Variants in SLC24A3 observed in about 807,000 individuals in gnomAD.
SLC24A3 encodes the protein sodium/potassium/calcium exchanger 3.
Under a neutral mutation model 75.8 loss-of-function variants are expected in SLC24A3, and 28 were observed. The ratio of observed to expected loss-of-function variants is 0.37; its 90% CI spans 0.27 to 0.51. The LOEUF (loss-of-function observed/expected upper bound fraction) is 0.51, where lower values mean the gene tolerates loss of function less well. SLC24A3 is among the 20% of genes least tolerant of loss of function. The pLI, the probability that SLC24A3 is intolerant of heterozygous loss-of-function variation, is 0.94. For synonymous variants in SLC24A3, 372 were observed against 334.1 expected (o/e 1.11, Z -1.24); for missense variants, 663 against 847.8 (o/e 0.78, Z 2.71).
intron 2 of SLC24A3, among the ~76,000 whole-genome samples, chr20:19,361,364 T>A (rs1370336595): frequency 6.6e-6 from 1 of 152,104 alleles, no homozygotes. Flanking sequence ...CCCATCCAGA[T>A]AGTTGCAGAT....
intron 7 of SLC24A3, 72 bp from the exon 8 acceptor site, chr20:19,665,792 C>CGTGT (rs58371474): frequency 0.052 from 61,561 of 1,187,936 alleles, 1,080 homozygotes; most frequent in African/African-American, 0.17. Flanking sequence ...AGCCTTAAAG[C>CGTGT]GTGTGTGTGT....
chr20:19,515,304 GTT>G, intron 2 of SLC24A3, among the ~76,000 whole-genome samples, 182 bp from the exon 3 acceptor site: 1 of 152,192 alleles, frequency 6.6e-6, no homozygotes, highest in African/African-American at 2.4e-5. Context: ...CGCTACTGTG[GTT>G]GGTTGCCCAC....
chr20:19,420,057 C>A (rs1488101944), intron 2 of SLC24A3, among the ~76,000 whole-genome samples: 3 of 82,486 alleles, frequency 3.6e-5, no homozygotes, highest in African/African-American at 1.5e-4. Context: ...CAATTCCCAC[C>A]TATGAGTGAG....
intron 2 of SLC24A3, among the ~76,000 whole-genome samples, chr20:19,304,672 A>G (rs777745310): frequency 1.3e-5 from 2 of 152,224 alleles, no homozygotes; most frequent in Non-Finnish European, 2.9e-5. Context: ...TTAAAAGAAC[A>G]TGAATATGAA....
intron 15 of SLC24A3, among the ~76,000 whole-genome samples, chr20:19,706,274 G>A (rs991862438): frequency 1.3e-5 from 2 of 152,226 alleles, no homozygotes; most frequent in Admixed American, 6.5e-5. Context: ...GGTGCAGTAA[G>A]CAAGACAGTC....
In SLC24A3 at chr20:19,212,938, G is replaced by T. The variant is rs986618014; in HGVS notation, c.96G>T (p.Ser32=). The T allele has an allele frequency of 1.5e-6, 2 of 1,349,240 alleles. No homozygotes were observed. The highest frequency in any genetic ancestry group is 2.1e-5 in the South Asian group (1 of 47,014). 83.6% of individuals were successfully genotyped at this position (1,349,240 alleles called of 1,614,324 possible). ...LLLSQLCFLA[S]VALLLWSLSS... is the part of the protein sequence containing the mutation. ...TGAGCCAGCTCTGCTTCCTGGCCTC[G>T]GTGGCGCTGCTGCTCTGGTCGCTGT... Residue 32 remains serine (S), a synonymous_variant, in exon 1 of 17, where the codon TCG becomes TCT. Transcript: ENST00000328041.
intron 2 of SLC24A3, among the ~76,000 whole-genome samples, chr20:19,481,999 C>A (rs1988062906): frequency 6.6e-6 from 1 of 152,196 alleles, no homozygotes. Context: ...CCTGTGCACA[C>A]ATCTCCACTG....
At chr20:19,392,667 T>G (rs1986387333) in intron 2 of SLC24A3, among the ~76,000 whole-genome samples, 1 of 152,222 alleles carries the variant, frequency 6.6e-6, no homozygotes, top group African/African-American at 2.4e-5. Context: ...ATCTCCTGTT[T>G]GCCAGGCAAT....
chr20:19,349,744 C>G (rs59637719), intron 2 of SLC24A3, among the ~76,000 whole-genome samples: 17,197 of 152,146 alleles, frequency 0.11, 2,610 homozygotes, highest in African/African-American at 0.35. Context: ...ATTCCCTATC[C>G]CTTTCTCCTC....
intron 6 of SLC24A3, among the ~76,000 whole-genome samples, chr20:19,608,248 G>A (rs1440981343): frequency 6.6e-6 from 1 of 152,190 alleles, no homozygotes; most frequent in East Asian, 1.9e-4. Flanking sequence ...TGAATTGATT[G>A]TTCTGGTATT....
At chr20:19,634,251 A>G (rs1044941163) in intron 6 of SLC24A3, among the ~76,000 whole-genome samples, 1 of 152,136 alleles carries the variant, frequency 6.6e-6, no homozygotes, top group African/African-American at 2.4e-5. Context: ...CCAGTGCAGT[A>G]ATGCTGGCTT....
chr20:19,645,252 A>T (rs2122701779), intron 6 of SLC24A3, among the ~76,000 whole-genome samples: 1 of 152,318 alleles, frequency 6.6e-6, no homozygotes, highest in Middle Eastern at 3.4e-3. Context: ...TATTCTGCAA[A>T]GGGATCCACA....
chr20:19,510,828 G>A (rs923923077), intron 2 of SLC24A3, among the ~76,000 whole-genome samples: 1 of 152,210 alleles, frequency 6.6e-6, no homozygotes, highest in Admixed American at 6.5e-5. Flanking sequence ...AAGCTCCCAA[G>A]TCTACGGTAT....
At chr20:19,628,169 A>C (rs1236343965) in intron 6 of SLC24A3, among the ~76,000 whole-genome samples, 23 of 142,554 alleles carry the variant, frequency 1.6e-4, no homozygotes, top group Non-Finnish European at 3.1e-4. Flanking sequence ...GCGCCACTGC[A>C]CTCCAGCCTG....
At chr20:19,511,579 G>A (rs982894141) in intron 2 of SLC24A3, among the ~76,000 whole-genome samples, 6 of 151,942 alleles carry the variant, frequency 3.9e-5, no homozygotes, top group Non-Finnish European at 7.4e-5. Flanking sequence ...CGCCCACATC[G>A]GCCTCCCAAA....
chr20:19,587,536 A>T (rs914121996), intron 6 of SLC24A3, among the ~76,000 whole-genome samples: 1 of 152,176 alleles, frequency 6.6e-6, no homozygotes, highest in East Asian at 1.9e-4. Flanking sequence ...CTGGATGCCA[A>T]CCTTTCCTTC....
intron 2 of SLC24A3, among the ~76,000 whole-genome samples, chr20:19,434,203 T>C (rs981125718): frequency 1.1e-4 from 16 of 152,214 alleles, no homozygotes; most frequent in African/African-American, 3.9e-4. Flanking sequence ...CCCCCATATA[T>C]GGGAAATTTT....
intron 9 of SLC24A3, among the ~76,000 whole-genome samples, chr20:19,680,142 CTG>C (rs978987177): frequency 2.4e-4 from 34 of 143,374 alleles, no homozygotes; most frequent in African/African-American, 8.6e-4. Flanking sequence ...GTGTGTGTCT[CTG>C]TGTGTGTCTG....
At chr20:19,427,095 G>A (rs1018513260) in intron 2 of SLC24A3, among the ~76,000 whole-genome samples, 16 of 152,060 alleles carry the variant, frequency 1.1e-4, no homozygotes, top group African/African-American at 3.6e-4. Context: ...GTGTCTCTGT[G>A]TGCATGTGTA....
Sources: gnomAD v4.1 joint callset for allele counts (sites outside exome capture counted in the v4.1 genomes callset) on GRCh38, gnomAD v4.1.1 for gene constraint, MANE v1.5 for transcripts, NCBI Gene and HGNC (gene_info 2026-07-23, HGNC 2026-07-21) for gene names.